Variants in BLNK observed in about 807,000 individuals in gnomAD.
BLNK encodes B-cell linker protein.
Under a neutral mutation model 73.5 loss-of-function variants are expected in BLNK, and 29 were observed. The ratio of observed to expected loss-of-function variants is 0.39; its 90% CI spans 0.29 to 0.54. BLNK has a LOEUF of 0.54. Among genes scored for constraint, BLNK ranks in the 20% least tolerant of loss-of-function variants. The pLI, the probability that BLNK is intolerant of heterozygous loss-of-function variation, is 0.61. For synonymous variants in BLNK, 176 were observed against 200.8 expected (o/e 0.88, Z 1.04); for missense variants, 460 against 562.8 (o/e 0.82, Z 1.85).
chr10:96,227,277 G>A (rs1842305006), intron 5 of BLNK, 133 bp downstream of exon 5: 2 of 1,184,030 alleles, frequency 1.7e-6, no homozygotes, highest in South Asian at 3.0e-5. Context: ...CCCCTGCTTG[G>A]AGGTGGCGGG....
At chr10:96,199,415 CA>C in intron 15 of BLNK, 1 of 386,414 alleles carries the variant, frequency 2.6e-6, no homozygotes, top group Non-Finnish European at 5.3e-6. Context: ...CACATTGATC[CA>C]AAATAGCCTG....
intron 3 of BLNK, among the ~76,000 whole-genome samples, chr10:96,241,968 C>T (rs767351721): frequency 8.5e-5 from 13 of 152,152 alleles, no homozygotes; most frequent in Non-Finnish European, 1.8e-4. Context: ...AATCTGCCTT[C>T]CTCAGCCTCC....
chr10:96,268,128 A>T (rs1844096814), intron 1 of BLNK, among the ~76,000 whole-genome samples: 12 of 152,230 alleles, frequency 7.9e-5, no homozygotes, highest in Admixed American at 7.8e-4. Context: ...TGTGTCAAAG[A>T]CCTTTTCTAG....
chr10:96,270,613 TA>T (rs35550791), intron 1 of BLNK, among the ~76,000 whole-genome samples: 13,150 of 127,554 alleles, frequency 0.1, 1,693 homozygotes, highest in African/African-American at 0.31. Context: ...AAAAGTATAA[TA>T]AAAAAAAAAA....
chr10:96,240,292 A>G (rs1842842709), intron 3 of BLNK, among the ~76,000 whole-genome samples: 1 of 152,228 alleles, frequency 6.6e-6, no homozygotes, highest in African/African-American at 2.4e-5. Context: ...TGTTGAATGA[A>G]TCAGAAAATG....
At chr10:96,214,941 G>A (rs941655063) in intron 8 of BLNK, among the ~76,000 whole-genome samples, 5 of 152,088 alleles carry the variant, frequency 3.3e-5, no homozygotes, top group Admixed American at 6.5e-5. Flanking sequence ...AGCTGGTAAC[G>A]GGGCACACTG....
intron 8 of BLNK, among the ~76,000 whole-genome samples, chr10:96,214,170 G>T (rs1015989981): frequency 1.3e-5 from 2 of 152,180 alleles, no homozygotes; most frequent in Admixed American, 1.3e-4. Context: ...GCGCATATGT[G>T]TGCCTAGGGG....
rs1337091415 is a variant in BLNK at position 96,189,260 on chromosome 10, GAAAGT to G, written c.*2708_*2712del. Reference sequence around the variant, plus strand: ...GACAACATTTATTAAACACAGTAGGGAAAGTTCTCACTCTGCATTATAGAAAGGAC... The same window carrying G: ...GACAACATTTATTAAACACAGTAGGGTCTCACTCTGCATTATAGAAAGGAC... On this transcript the variant is annotated 3_prime_UTR_variant, in exon 17 of 17. Coordinates refer to ENST00000224337, the MANE Select transcript of BLNK (RefSeq NM_013314.4). The G allele has an allele frequency of 1.7e-5, 7 of 403,816 alleles. No homozygotes were observed. The highest frequency in any genetic ancestry group is 4.6e-6 in the Non-Finnish European group (1 of 215,146). 25.0% of individuals were successfully genotyped at this position (403,816 alleles called of 1,614,324 possible).
intron 3 of BLNK, among the ~76,000 whole-genome samples, chr10:96,233,247 T>G (rs2134052004): frequency 6.6e-6 from 1 of 152,356 alleles, no homozygotes; most frequent in South Asian, 2.1e-4. Flanking sequence ...TAACTGCATT[T>G]GCTCCACCCT....
At chr10:96,208,021 C>G in intron 9 of BLNK, 122 bp from the exon 10 acceptor site, 2 of 1,069,922 alleles carry the variant, frequency 1.9e-6, no homozygotes, top group Non-Finnish European at 2.9e-6. Context: ...GTGTAGAAGA[C>G]TATCCTTGCA....
rs2083306391 is a variant in BLNK at position 96,190,171 on chromosome 10, T to C, written c.*1802A>G. 1 of 850,348 alleles carries C rather than the reference T, an allele frequency of 1.2e-6. No homozygotes were observed. The highest frequency in any genetic ancestry group is 2.0e-6 in the Non-Finnish European group (1 of 500,248). 52.7% of individuals were successfully genotyped at this position (850,348 alleles called of 1,614,324 possible). ...GGCCTTTAGTTCACAACTGAAAAGA[T>C]AGTTCTGGGCCTCAGGGGGCTCACG... On this transcript the variant is annotated 3_prime_UTR_variant, in exon 17 of 17. Coordinates refer to ENST00000224337, the MANE Select transcript of BLNK (RefSeq NM_013314.4).
chr10:96,236,641 G>A, intron 3 of BLNK, among the ~76,000 whole-genome samples: 1 of 152,096 alleles, frequency 6.6e-6, no homozygotes, highest in East Asian at 1.9e-4. Context: ...GGACAACATA[G>A]TGAGACATTG....
chr10:96,191,853 TC>T lies in BLNK; in HGVS notation c.*119del. Reference sequence around the variant, plus strand: ...ATGACCACTTCAATAGCTGACTCCATCTTCCATTTTATTACTGGATGATTCA... The same window carrying T: ...ATGACCACTTCAATAGCTGACTCCATTTCCATTTTATTACTGGATGATTCA... On this transcript the variant is annotated 3_prime_UTR_variant, in exon 17 of 17. Transcript: ENST00000224337. 2.2e-6 allele frequency: 3 copies of T among 1,357,580 alleles called. No individual in the cohort carries two copies. The highest frequency in any genetic ancestry group is 3.1e-6 in the Non-Finnish European group (3 of 958,322). The allele number at this position is 1,357,580 out of a possible 1,614,324, so 84.1% of individuals were successfully genotyped here. A position where few individuals can be genotyped will look rare whatever the true frequency, so the allele number is the denominator to read the frequency against.
At chr10:96,263,704 A>G (rs1003651534) in intron 1 of BLNK, among the ~76,000 whole-genome samples, 5 of 152,184 alleles carry the variant, frequency 3.3e-5, no homozygotes, top group Non-Finnish European at 5.9e-5. Flanking sequence ...TCTTTTTGGA[A>G]CAAAGCACAG....
At chr10:96,227,285 G>T in intron 5 of BLNK, 125 bp downstream of exon 5, 1 of 1,287,404 alleles carries the variant, frequency 7.8e-7, no homozygotes, top group Non-Finnish European at 1.1e-6. Context: ...TGGAGGTGGC[G>T]GGAGCGGGCG....
At chr10:96,253,742 G>A (rs1231280718) in intron 1 of BLNK, among the ~76,000 whole-genome samples, 4 of 152,018 alleles carry the variant, frequency 2.6e-5, no homozygotes, top group South Asian at 2.1e-4. Flanking sequence ...CAGGCTGGGT[G>A]CGATGGCTCA....
At chr10:96,270,334 T>G (rs1844216378) in intron 1 of BLNK, among the ~76,000 whole-genome samples, 1 of 152,238 alleles carries the variant, frequency 6.6e-6, no homozygotes, top group Non-Finnish European at 1.5e-5. Context: ...CTCTGGCTCA[T>G]TGTTATCTGT....
chr10:96,202,820 C>T (rs986739566), intron 13 of BLNK, among the ~76,000 whole-genome samples: 5 of 152,146 alleles, frequency 3.3e-5, no homozygotes, highest in Admixed American at 2.0e-4. Flanking sequence ...TTCTGACACC[C>T]GAATGTGCTA....
At chr10:96,234,164 C>T (rs1554904669) in intron 3 of BLNK, among the ~76,000 whole-genome samples, 1 of 152,224 alleles carries the variant, frequency 6.6e-6, no homozygotes, top group East Asian at 1.9e-4. Flanking sequence ...ACTTAGCCCT[C>T]TGCTGAGCAC....
Sources: gnomAD v4.1 joint callset for allele counts (sites outside exome capture counted in the v4.1 genomes callset) on GRCh38, gnomAD v4.1.1 for gene constraint, MANE v1.5 for transcripts, NCBI Gene and HGNC (gene_info 2026-07-23, HGNC 2026-07-21) for gene names.